LDAH: variants seen among roughly 807,000 people sequenced by gnomAD.
The protein encoded by LDAH is lipid droplet associated hydrolase, also known as lipid droplet-associated hydrolase.
LDAH carries 26 observed loss-of-function variants against 29.6 expected under a neutral mutation model. That is an observed-to-expected ratio of 0.88 (90% CI 0.64 to 1.22). The LOEUF is 1.22. Among genes scored for constraint, LDAH ranks in the 50% most tolerant of loss-of-function variants. The pLI, the probability that LDAH is intolerant of heterozygous loss-of-function variation, is 0.00. For missense variants in LDAH, 344 were observed against 387.3 expected, an observed-to-expected ratio of 0.89 and a Z score of 0.94; for synonymous variants, 117 against 133.0, an observed-to-expected ratio of 0.88 and a Z score of 0.83.
In LDAH at chr2:20,801,334, T is replaced by G. The variant is rs746137465; in HGVS notation, c.130A>C (p.Lys44Gln). 1 of 1,613,988 alleles carries G rather than the reference T, an allele frequency of 6.2e-7. No individual in the cohort carries two copies. Residue 44 changes from lysine (K) to glutamine (Q), a missense_variant, in exon 2 of 7, where the codon AAG becomes CAG. Transcript: ENST00000237822. Reference protein sequence around the residue: ...LFHDQSVKRPKLLIFIIPGNP... With the variant: ...LFHDQSVKRPQLLIFIIPGNP... The stretch of plus-strand genomic sequence containing the variant: ...CCAGGAATAATGAAAATAAGCAGCT[T>G]AGGCCTTTTGACACTTTGATCATGA...
Position 20,777,944 on chromosome 2 carries a change from T to C in LDAH, c.299-2965A>G, listed in dbSNP as rs115490614. On this transcript the variant is annotated intron_variant, in intron 3 of 6. Coordinates refer to ENST00000237822, the MANE Select transcript of LDAH (RefSeq NM_021925.4). The stretch of plus-strand genomic sequence containing the variant: ...CTAATATGGAAATCATTTATACCAT[T>C]CTTTCTATAAGGAAAATGTACTCCA... 8.4e-3 allele frequency among the ~76,000 whole-genome samples: 1,275 copies of C among 152,300 alleles called. 17 individuals are homozygous for C. The highest frequency in any genetic ancestry group is 0.027 in the African/African-American group (1,133 of 41,570).
intron 1 of LDAH, among the ~76,000 whole-genome samples, chr2:20,821,081 A>T (rs1022676859): frequency 2.0e-5 from 3 of 152,334 alleles, no homozygotes; most frequent in East Asian, 1.9e-4. Flanking sequence ...TTCTCACAGC[A>T]GTTAGAATGG....
chr2:20,814,360 T>C (rs978459518), intron 1 of LDAH, among the ~76,000 whole-genome samples: 2 of 152,234 alleles, frequency 1.3e-5, no homozygotes, highest in African/African-American at 4.8e-5. Flanking sequence ...ACTTAATTTT[T>C]GTTTTTTCTT....
chr2:20,774,901 T>C lies in LDAH; in HGVS notation c.377A>G (p.His126Arg), dbSNP rs757416876. The C allele has an allele frequency of 6.8e-6, 11 of 1,613,680 alleles. No individual in the cohort carries two copies. Among genetic ancestry groups the C allele is most frequent in the South Asian group, 1.1e-5 (1 of 91,062 alleles). ...CACAAGTTTCATGTCCTTTGGCACA[T>C]GAGTTCTCAGGAAAGCTAGTTTGTG... ...IEHKLAFLRTHVPKDMKLVLI... is the reference protein window; with the variant it reads ...IEHKLAFLRTRVPKDMKLVLI... The change falls in exon 4 of 7, where the codon CAT (histidine) becomes CGT (arginine). Residue 126 changes from histidine (H) to arginine (R), a missense_variant. By Grantham distance (29) the His-to-Arg change is conservative. Coordinates refer to ENST00000237822, the MANE Select transcript of LDAH (RefSeq NM_021925.4).
intron 4 of LDAH, among the ~76,000 whole-genome samples, chr2:20,746,723 A>T (rs1667592965): frequency 6.6e-6 from 1 of 152,134 alleles, no homozygotes; most frequent in African/African-American, 2.4e-5. Flanking sequence ...GCCTAATTTG[A>T]TAACACAGCT....
At chr2:20,791,377 A>C (rs1670934799) in intron 2 of LDAH, among the ~76,000 whole-genome samples, 1 of 152,208 alleles carries the variant, frequency 6.6e-6, no homozygotes, top group African/African-American at 2.4e-5. Flanking sequence ...AGACTAAGTG[A>C]ATCAATGTAC....
intron 5 of LDAH, among the ~76,000 whole-genome samples, chr2:20,721,006 T>C (rs1336411879): frequency 6.6e-6 from 1 of 151,994 alleles, no homozygotes; most frequent in Non-Finnish European, 1.5e-5. Flanking sequence ...AAGACTTTAA[T>C]AGGACATGAA....
chr2:20,739,380 T>A (rs1341834768), intron 5 of LDAH, among the ~76,000 whole-genome samples: 1 of 152,216 alleles, frequency 6.6e-6, no homozygotes, highest in African/African-American at 2.4e-5. Flanking sequence ...AAATGTAGTA[T>A]AAAATAGTAT....
intron 1 of LDAH, among the ~76,000 whole-genome samples, chr2:20,811,170 A>C (rs1166864527): frequency 3.3e-5 from 5 of 151,734 alleles, no homozygotes; most frequent in Non-Finnish European, 7.4e-5. Context: ...GGCGCCCGCC[A>C]CCACGGCCGG....
chr2:20,731,803 T>C (rs1030157299), intron 5 of LDAH, among the ~76,000 whole-genome samples: 1 of 152,088 alleles, frequency 6.6e-6, no homozygotes, highest in Non-Finnish European at 1.5e-5. Context: ...TTGTATTAAT[T>C]CTCAAAGTTT....
intron 1 of LDAH, among the ~76,000 whole-genome samples, chr2:20,803,592 C>A (rs1046295380): frequency 6.6e-6 from 1 of 152,202 alleles, no homozygotes; most frequent in Non-Finnish European, 1.5e-5. Flanking sequence ...AGGGTTGTTA[C>A]TGTGGCCCTG....
intron 6 of LDAH, among the ~76,000 whole-genome samples, chr2:20,695,639 G>A (rs1465650094): frequency 1.3e-5 from 2 of 151,850 alleles, no homozygotes; most frequent in African/African-American, 4.8e-5. Context: ...TAGTGGAGAC[G>A]GGGTTTCACC....
At chr2:20,725,127 C>T (rs1665921416) in intron 5 of LDAH, among the ~76,000 whole-genome samples, 1 of 152,108 alleles carries the variant, frequency 6.6e-6, no homozygotes, top group South Asian at 2.1e-4. Context: ...CCAAAATATA[C>T]CACCACGTTT....
intron 5 of LDAH, among the ~76,000 whole-genome samples, chr2:20,730,786 T>C (rs1572496973): frequency 6.6e-6 from 1 of 152,312 alleles, no homozygotes; most frequent in South Asian, 2.1e-4. Context: ...TCCAGCAACA[T>C]TGTTGAAATG....
At position 20,790,393 on chromosome 2, in the gene LDAH, G is replaced by T; in HGVS notation, c.160C>A (p.Pro54Thr). 1 of 1,612,130 alleles carries T rather than the reference G, an allele frequency of 6.2e-7. No homozygotes were observed. ...GGCACATAAAAGGCAGAAAAACCTG[G>T]GTTACCTAAGAAAAGAAACACAGAC... The part of the protein sequence containing the change: ...KLLIFIIPGN[P>T]GFSAFYVPFA... The change falls in exon 3 of 7, where the codon CCA (proline) becomes ACA (threonine). Residue 54 changes from proline (P) to threonine (T), a missense_variant. Pro to Thr is a conservative substitution (Grantham distance 38). Coordinates refer to ENST00000237822, the MANE Select transcript of LDAH (RefSeq NM_021925.4).
intron 1 of LDAH, among the ~76,000 whole-genome samples, chr2:20,820,419 A>G (rs1270877706): frequency 1.0e-3 from 157 of 152,288 alleles, no homozygotes; most frequent in African/African-American, 3.5e-3. Context: ...AAACAGAGAT[A>G]TAGATCAATG....
chr2:20,789,151 T>G (rs1670760541), intron 3 of LDAH: 3 of 1,550,404 alleles, frequency 1.9e-6, no homozygotes, highest in South Asian at 1.2e-5. Flanking sequence ...GAAAACCAGC[T>G]GTAATGGTCT....
intron 6 of LDAH, among the ~76,000 whole-genome samples, chr2:20,692,011 T>C (rs1030925302): frequency 2.6e-5 from 4 of 152,178 alleles, no homozygotes; most frequent in Non-Finnish European, 4.4e-5. Flanking sequence ...GTGTTTTTTT[T>C]TCCCCACTTT....
chr2:20,801,072 T>A (rs1200200360), intron 2 of LDAH, among the ~76,000 whole-genome samples: 9 of 149,754 alleles, frequency 6.0e-5, no homozygotes, highest in African/African-American at 2.3e-4. Context: ...AGTACATACT[T>A]CCAACTGTGA....
Sources: allele counts gnomAD v4.1 joint callset (sites outside exome capture counted in the v4.1 genomes callset), GRCh38; gene constraint gnomAD v4.1.1; transcripts MANE v1.5; gene names NCBI Gene and HGNC (gene_info 2026-07-23, HGNC 2026-07-21).